Variants in PPP1R9A observed in about 807,000 individuals in gnomAD.
PPP1R9A encodes neurabin-1.
In PPP1R9A, 59 loss-of-function variants were observed where a neutral mutation model predicts 141.9. That is an observed-to-expected ratio of 0.42 (90% CI 0.34 to 0.52). The LOEUF (loss-of-function observed/expected upper bound fraction) is 0.52. Among genes scored for constraint, PPP1R9A ranks in the 20% least tolerant of loss-of-function variants. The pLI, the probability that PPP1R9A is intolerant of heterozygous loss-of-function variation, is 0.10. For synonymous variants in PPP1R9A, 500 were observed against 569.7 expected, an observed-to-expected ratio of 0.88 and a Z score of 1.74; for missense variants, 1,444 against 1,611.9, an observed-to-expected ratio of 0.90 and a Z score of 1.78.
At chr7:95,116,462 G>A (rs1392940725) in intron 3 of PPP1R9A, among the ~76,000 whole-genome samples, 1 of 151,796 alleles carries the variant, frequency 6.6e-6, no homozygotes, top group African/African-American at 2.4e-5. Flanking sequence ...AAATGAAAAT[G>A]GGAAAAATAT....
At chr7:95,209,196 A>G (rs569845694) in intron 7 of PPP1R9A, among the ~76,000 whole-genome samples, 1 of 152,334 alleles carries the variant, frequency 6.6e-6, no homozygotes, top group African/African-American at 2.4e-5. Context: ...ATAATTTAAA[A>G]TCTGCTGTGT....
rs537805058 is a variant in PPP1R9A at position 95,104,967 on chromosome 7, G to C, written c.1396-6292G>C. Among the ~76,000 whole-genome samples the C allele has an allele frequency of 5.3e-5, 6 of 113,064 alleles. No individual in the cohort carries two copies. In the South Asian group the frequency reaches 1.3e-3, roughly 25 times the overall value. 74.2% of individuals were successfully genotyped at this position (113,064 alleles called of 152,430 possible). Reference sequence around the variant, plus strand: ...ATGTGAATGTTTGGCTTATCTCCAGGAGCACACTTTGCTAGCCATCATCTG... The same window carrying C: ...ATGTGAATGTTTGGCTTATCTCCAGCAGCACACTTTGCTAGCCATCATCTG... On this transcript the variant is annotated intron_variant, in intron 2 of 19. Transcript: ENST00000433360.
chr7:95,182,109 C>G (rs997897030), intron 5 of PPP1R9A, among the ~76,000 whole-genome samples: 1 of 151,742 alleles, frequency 6.6e-6, no homozygotes, highest in Non-Finnish European at 1.5e-5. Context: ...CAAAATCTCA[C>G]AAATCACTAA....
Position 95,203,702 on chromosome 7 carries a change from G to T in PPP1R9A, c.1928G>T (p.Cys643Phe). 2 of 1,535,964 alleles carry T rather than the reference G, an allele frequency of 1.3e-6. No individual in the cohort carries two copies. Among genetic ancestry groups the T allele is most frequent in the Non-Finnish European group, 1.7e-6 (2 of 1,146,120 alleles). ...VAELQGMSGNCNNNNNYFLKT... is the reference protein window; with the variant it reads ...VAELQGMSGNFNNNNNYFLKT... The stretch of plus-strand genomic sequence containing the variant: ...GAATTGCAAGGAATGTCTGGCAACT[G>T]CAATAACAATAACAACTATTTTCTT... The change falls in exon 7 of 20, where the codon TGC becomes TTC. Residue 643 changes from cysteine (C) to phenylalanine (F), a missense_variant. By Grantham distance (205) the Cys-to-Phe change is radical. This residue lies in a region of PPP1R9A where 488 missense variants were observed against 542.0 expected (regional missense o/e 0.90). Coordinates refer to ENST00000433360, the MANE Select transcript of PPP1R9A (RefSeq NM_001166160.2).
Position 95,173,144 on chromosome 7 carries a change from T to G in PPP1R9A, c.1754+11173T>G, listed in dbSNP as rs930747480. ...CTAGAAAACAGGCAAAAATCTGTAA[T>G]TTTAGATTTAGTGAAATAACTCAGG... On this transcript the variant is annotated intron_variant, in intron 5 of 19. Coordinates refer to ENST00000433360, the MANE Select transcript of PPP1R9A (RefSeq NM_001166160.2). Among the ~76,000 whole-genome samples the G allele has an allele frequency of 4.6e-5, 7 of 152,036 alleles. No homozygotes were observed. The East Asian group carries it at 1.3e-3, about 29-fold the overall frequency.
intron 4 of PPP1R9A, among the ~76,000 whole-genome samples, chr7:95,157,855 C>T (rs761225089): frequency 6.6e-6 from 1 of 152,132 alleles, no homozygotes; most frequent in Non-Finnish European, 1.5e-5. Flanking sequence ...CTCAAATTTT[C>T]TTTGAAGGGA....
chr7:95,027,697 T>C (rs1037777964), intron 2 of PPP1R9A, among the ~76,000 whole-genome samples: 1 of 152,250 alleles, frequency 6.6e-6, no homozygotes. Flanking sequence ...CTAGGCTATA[T>C]GGTTTAGTCT....
intron 2 of PPP1R9A, among the ~76,000 whole-genome samples, chr7:95,079,121 C>T (rs1264787496): frequency 2.6e-5 from 4 of 152,168 alleles, no homozygotes; most frequent in South Asian, 2.1e-4. Context: ...TTAGGTCTAA[C>T]GTTTAAGTCT....
chr7:95,248,723 A>C (rs1248427054), intron 9 of PPP1R9A, among the ~76,000 whole-genome samples: 1 of 152,144 alleles, frequency 6.6e-6, no homozygotes, highest in African/African-American at 2.4e-5. Flanking sequence ...TTAGCATTTT[A>C]TATTTTTTCA....
rs543281013 is a variant in PPP1R9A, at chr7:95,033,301, A to G, written c.1396-77958A>G. Among the ~76,000 whole-genome samples, 34 of 150,298 alleles carry G rather than the reference A, an allele frequency of 2.3e-4. No individual in the cohort carries two copies. The South Asian group carries it at 2.5e-3, about 11-fold the overall frequency. On this transcript the variant is annotated intron_variant, in intron 2 of 19. Transcript: ENST00000433360. ...AGTGCTGGGATTACAGGCATGAGCC[A>G]CCGCTCCTGGCCTAATTTTTTATTT...
intron 7 of PPP1R9A, among the ~76,000 whole-genome samples, chr7:95,208,847 T>C (rs1024071653): frequency 2.0e-5 from 3 of 150,574 alleles, no homozygotes; most frequent in Non-Finnish European, 2.9e-5. Context: ...AGATAAACCA[T>C]ACGCTGGAGT....
At chr7:95,091,753 G>A (rs1817377509) in intron 2 of PPP1R9A, among the ~76,000 whole-genome samples, 1 of 151,268 alleles carries the variant, frequency 6.6e-6, no homozygotes, top group South Asian at 2.1e-4. Context: ...TGCAGTTGTG[G>A]GGGCAGGGCA....
At chr7:95,166,271 A>G (rs1199809361) in intron 5 of PPP1R9A, among the ~76,000 whole-genome samples, 3 of 152,172 alleles carry the variant, frequency 2.0e-5, no homozygotes, top group African/African-American at 4.8e-5. Flanking sequence ...GGGACATTTA[A>G]CTCATAAGAT....
chr7:95,248,267 CT>C (rs1798412595), intron 9 of PPP1R9A, among the ~76,000 whole-genome samples: 1 of 147,766 alleles, frequency 6.8e-6, no homozygotes, highest in African/African-American at 2.5e-5. Flanking sequence ...CATAATTACC[CT>C]CCCCCGCCCC....
At chr7:95,076,087 C>A (rs1814809091) in intron 2 of PPP1R9A, among the ~76,000 whole-genome samples, 1 of 152,112 alleles carries the variant, frequency 6.6e-6, no homozygotes, top group Non-Finnish European at 1.5e-5. Context: ...ATTTTTCATA[C>A]AGATCGGGTC....
chr7:95,235,574 G>T (rs1563473040), intron 8 of PPP1R9A, among the ~76,000 whole-genome samples: 1 of 152,166 alleles, frequency 6.6e-6, no homozygotes, highest in South Asian at 2.1e-4. Context: ...CTGTTGGTGG[G>T]AATGTAAACT....
intron 5 of PPP1R9A, among the ~76,000 whole-genome samples, chr7:95,191,409 GATCAT>G (rs1417791794): frequency 6.6e-6 from 1 of 152,092 alleles, no homozygotes; most frequent in Non-Finnish European, 1.5e-5. Flanking sequence ...AATGTATAGT[GATCAT>G]ATCATGGTAA....
intron 9 of PPP1R9A, 31 bp downstream of exon 9, chr7:95,247,557 A>C (rs765964278): frequency 6.5e-7 from 1 of 1,541,280 alleles, no homozygotes. Flanking sequence ...TTTGAATTTT[A>C]CTTTTTAAAC....
At chr7:95,075,294 A>G (rs1190116726) in intron 2 of PPP1R9A, among the ~76,000 whole-genome samples, 3 of 152,166 alleles carry the variant, frequency 2.0e-5, no homozygotes, top group Non-Finnish European at 4.4e-5. Context: ...CTGTTCCTAG[A>G]TCCTCTTGTA....
Sources: allele counts gnomAD v4.1 joint callset (sites outside exome capture counted in the v4.1 genomes callset), GRCh38; gene constraint gnomAD v4.1.1; regional missense constraint gnomAD v4.1.1; transcripts MANE v1.5; gene names NCBI Gene and HGNC (gene_info 2026-07-23, HGNC 2026-07-21).